Variants in VGLL4 observed in about 807,000 individuals in gnomAD.
The protein encoded by VGLL4 is transcription cofactor vestigial-like protein 4.
Under a neutral mutation model 21.0 loss-of-function variants are expected in VGLL4, and 7 were observed. The ratio of observed to expected loss-of-function variants is 0.33; its 90% CI spans 0.19 to 0.63. The LOEUF (loss-of-function observed/expected upper bound fraction) is 0.63. Among genes scored for constraint, VGLL4 ranks in the 20% least tolerant of loss-of-function variants. VGLL4 has a pLI of 0.78. For missense variants in VGLL4, 394 were observed against 425.7 expected (o/e 0.93, Z 0.66); for synonymous variants, 222 against 173.2 (o/e 1.28, Z -2.21).
chr3:11,631,804 G>A (rs1474270177), intron 1 of VGLL4, among the ~76,000 whole-genome samples: 7 of 152,220 alleles, frequency 4.6e-5, no homozygotes, highest in East Asian at 3.9e-4. Context: ...AAGGAAGAAA[G>A]AAAACAGAAC....
At chr3:11,625,456 G>T (rs950915287) in intron 1 of VGLL4, among the ~76,000 whole-genome samples, 3 of 152,136 alleles carry the variant, frequency 2.0e-5, no homozygotes, top group African/African-American at 7.2e-5. Flanking sequence ...CATATCTATA[G>T]CTCCATCTGA....
intron 2 of VGLL4, among the ~76,000 whole-genome samples, chr3:11,681,875 TA>T (rs1361870998): frequency 9.9e-5 from 15 of 152,108 alleles, no homozygotes; most frequent in South Asian, 6.2e-4. Flanking sequence ...GCGACGGCCA[TA>T]ACAGTGCGAG....
intron 2 of VGLL4, among the ~76,000 whole-genome samples, chr3:11,599,814 G>A (rs910544227): frequency 6.6e-6 from 1 of 150,710 alleles, no homozygotes; most frequent in African/African-American, 2.4e-5. Context: ...GAGCCACTGC[G>A]CCTAGCCACA....
chr3:11,692,717 A>T (rs1199378595), intron 2 of VGLL4, among the ~76,000 whole-genome samples: 7 of 118,804 alleles, frequency 5.9e-5, no homozygotes, highest in Non-Finnish European at 6.7e-5. Flanking sequence ...AGGAAGACAG[A>T]GGTTTGTTTG....
At position 11,719,577 on chromosome 3, in the gene VGLL4, ACACGCACACG is replaced by A. The variant is rs1209629741; in HGVS notation, c.-14+807_-14+816del. 6.6e-6 allele frequency: 1 copy of A among 151,702 alleles called. No individual in the cohort carries two copies. Among genetic ancestry groups the A allele is most frequent in the Non-Finnish European group, 1.5e-5 (1 of 67,960 alleles). The allele number at this position is 151,702 out of a possible 1,614,324, so 9.4% of individuals were successfully genotyped here. A position where few individuals can be genotyped will look rare whatever the true frequency, so the allele number is the denominator to read the frequency against. The stretch of plus-strand genomic sequence containing the variant: ...CCGCACGGGCCCCCGCCAAACACGC[ACACGCACACG>A]CACGCGCGGACCGGGCCGGCGGACG... On this transcript the variant is annotated intron_variant, in intron 1 of 5. Coordinates refer to the VGLL4 transcript ENST00000273038. The surrounding 1 kb of genome is among the most constrained non-coding windows in gnomAD (Gnocchi z 4.0).
At chr3:11,572,435 G>T (rs1158626775) in intron 2 of VGLL4, among the ~76,000 whole-genome samples, 5 of 152,180 alleles carry the variant, frequency 3.3e-5, no homozygotes, top group Admixed American at 6.5e-5. Flanking sequence ...ATGAAAATGT[G>T]CTCTCATATT....
chr3:11,606,559 A>G (rs758218125), intron 1 of VGLL4, among the ~76,000 whole-genome samples: 13 of 152,214 alleles, frequency 8.5e-5, no homozygotes, highest in Non-Finnish European at 1.5e-4. Flanking sequence ...CTGTCTTACA[A>G]GAGGATTGTA....
chr3:11,614,613 G>A (rs77852244), intron 1 of VGLL4, among the ~76,000 whole-genome samples: 3,737 of 152,302 alleles, frequency 0.025, 58 homozygotes, highest in Non-Finnish European at 0.035. Context: ...AGCCATCCAG[G>A]TTTCCCACGG....
Position 11,604,937 on chromosome 3 carries a change from A to G in VGLL4, c.83-2915T>C, listed in dbSNP as rs1248205985. Among the ~76,000 whole-genome samples the G allele has an allele frequency of 1.4e-5, 2 of 144,012 alleles. 1 individual carries two copies. The highest frequency in any genetic ancestry group is 3.0e-5 in the Non-Finnish European group (2 of 65,688). The allele number at this position is 144,012 out of a possible 152,430, so 94.5% of individuals were successfully genotyped here. Reference sequence around the variant, plus strand: ...GGGTCAAATAAATTTGGAAACCGTGAGATTGAACAACTTTTACAGGAGTTT... The same window carrying G: ...GGGTCAAATAAATTTGGAAACCGTGGGATTGAACAACTTTTACAGGAGTTT... On this transcript the variant is annotated intron_variant, in intron 1 of 4. Coordinates refer to ENST00000430365, the MANE Select transcript of VGLL4 (RefSeq NM_001128219.3).
intron 2 of VGLL4, among the ~76,000 whole-genome samples, chr3:11,691,006 G>A (rs1237392665): frequency 6.6e-6 from 1 of 151,754 alleles, no homozygotes. Context: ...AATCTGAATA[G>A]GAAAAAACTA....
chr3:11,629,611 G>A (rs1217386148), intron 1 of VGLL4, among the ~76,000 whole-genome samples: 2 of 152,086 alleles, frequency 1.3e-5, no homozygotes, highest in Admixed American at 6.5e-5. Flanking sequence ...GCCAGTTGTG[G>A]TGGCAAGCGC....
intron 1 of VGLL4, among the ~76,000 whole-genome samples, chr3:11,710,008 T>C (rs1234292158): frequency 6.6e-6 from 1 of 152,088 alleles, no homozygotes; most frequent in Non-Finnish European, 1.5e-5. Context: ...CCAATCATAA[T>C]GGAAGGCAAA....
intron 1 of VGLL4, among the ~76,000 whole-genome samples, chr3:11,613,992 C>T (rs984506679): frequency 1.7e-4 from 26 of 152,218 alleles, no homozygotes; most frequent in African/African-American, 5.5e-4. Context: ...GAGCCGGCGA[C>T]GTCATCTCAG....
At chr3:11,582,203 A>T in intron 2 of VGLL4, 1 of 1,495,090 alleles carries the variant, frequency 6.7e-7, no homozygotes, top group Non-Finnish European at 9.2e-7. Flanking sequence ...GTTTAAATTA[A>T]TTACAGCTGA....
At chr3:11,588,888 C>T (rs1408960451) in intron 2 of VGLL4, among the ~76,000 whole-genome samples, 1 of 152,158 alleles carries the variant, frequency 6.6e-6, no homozygotes, top group Non-Finnish European at 1.5e-5. Context: ...TTGGTCTAGG[C>T]TAGAGGTAAA....
At chr3:11,627,654 G>A (rs78169279) in intron 1 of VGLL4, among the ~76,000 whole-genome samples, 8,803 of 150,462 alleles carry the variant, frequency 0.059, 878 homozygotes, top group African/African-American at 0.2. Context: ...GCAGTATTAC[G>A]TTAAATGTGT....
intron 2 of VGLL4, among the ~76,000 whole-genome samples, chr3:11,595,048 C>T (rs902454932): frequency 1.3e-5 from 2 of 152,178 alleles, no homozygotes; most frequent in Non-Finnish European, 2.9e-5. Flanking sequence ...ATAATCCTAG[C>T]TACTCGGGAG....
At chr3:11,567,021 A>G (rs997127883) in intron 2 of VGLL4, among the ~76,000 whole-genome samples, 5 of 152,148 alleles carry the variant, frequency 3.3e-5, no homozygotes, top group Admixed American at 3.3e-4. Context: ...AAGCCTTTAG[A>G]TGGACCCTGC....
At chr3:11,672,081 G>A (rs2076226033) in intron 2 of VGLL4, among the ~76,000 whole-genome samples, 1 of 152,086 alleles carries the variant, frequency 6.6e-6, no homozygotes, top group Non-Finnish European at 1.5e-5. Flanking sequence ...GATTCCCAGT[G>A]GCACACAGTA....
Sources: gnomAD v4.1 joint callset for allele counts (sites outside exome capture counted in the v4.1 genomes callset) on GRCh38, gnomAD v4.1.1 for gene constraint, Gnocchi (gnomAD v3.1) non-coding constraint, MANE v1.5 for transcripts, NCBI Gene and HGNC (gene_info 2026-07-23, HGNC 2026-07-21) for gene names.